KYNU: variants seen among roughly 807,000 people sequenced by gnomAD.
The protein encoded by KYNU is kynureninase.
A neutral mutation model predicts 59.2 loss-of-function variants in KYNU; 54 were observed. That is an observed-to-expected ratio of 0.91 (90% CI 0.73 to 1.14). The LOEUF (loss-of-function observed/expected upper bound fraction) is 1.14, where lower values mean the gene tolerates loss of function less well. KYNU is among the 50% of genes most tolerant of loss of function. The probability of loss-of-function intolerance (pLI) is 0.00; values close to 1 mark genes in which losing one functional copy is unlikely to be tolerated. For synonymous variants in KYNU, 177 were observed against 192.0 expected, an observed-to-expected ratio of 0.92 and a Z score of 0.65; for missense variants, 567 against 554.4, an observed-to-expected ratio of 1.02 and a Z score of -0.23.
chr2:142,898,119 A>G (rs1053988801), intron 2 of KYNU, among the ~76,000 whole-genome samples: 1 of 152,152 alleles, frequency 6.6e-6, no homozygotes, highest in Non-Finnish European at 1.5e-5. Flanking sequence ...GGCTCAAGTG[A>G]TCTGCCCACC....
chr2:142,989,424 T>A lies in KYNU; in HGVS notation c.902+3403T>A. The stretch of plus-strand genomic sequence containing the variant: ...ACCATATGGAGAACATCAAATACAG[T>A]GGAACAAATGTAACTGCTATTGATG... On this transcript the variant is annotated intron_variant, in intron 10 of 13. Transcript: ENST00000264170. 9 of 985,572 alleles carry A rather than the reference T, an allele frequency of 9.1e-6. No individual in the cohort carries two copies. The South Asian group carries it at 4.2e-4, about 46-fold the overall frequency. 61.1% of individuals were successfully genotyped at this position (985,572 alleles called of 1,614,324 possible). A position where few individuals can be genotyped will look rare whatever the true frequency, so the allele number is the denominator to read the frequency against.
At chr2:142,881,826 A>C in intron 1 of KYNU, among the ~76,000 whole-genome samples, 1 of 152,004 alleles carries the variant, frequency 6.6e-6, no homozygotes, top group East Asian at 1.9e-4. Context: ...CTGCAACCTC[A>C]GACTGCTGGT....
In KYNU at chr2:143,040,620, A is replaced by G. The variant is rs9013; in HGVS notation, c.1234A>G (p.Lys412Glu). ...QLTITFSVPN[K>E]DVFQELEKRG... ...AACAATAACATTTTCTGTTCCAAAC[A>G]AAGATGTTTTCCAAGAACTAGAAAA... Residue 412 changes from lysine to glutamate, a missense_variant, in exon 13 of 14, where the codon AAA becomes GAA. Physicochemically the swap from Lys to Glu is moderately conservative, Grantham distance 56. Coordinates refer to ENST00000264170, the MANE Select transcript of KYNU (RefSeq NM_003937.3). 274,142 of 1,606,390 alleles carry G rather than the reference A, an allele frequency of 0.17. 24,512 individuals carry two copies. Among genetic ancestry groups the G allele is most frequent in the East Asian group, 0.29 (12,877 of 44,742 alleles).
chr2:142,974,794 G>C (rs536971384), intron 8 of KYNU, among the ~76,000 whole-genome samples: 10 of 152,180 alleles, frequency 6.6e-5, no homozygotes, highest in African/African-American at 1.9e-4. Flanking sequence ...CTTCACCATC[G>C]CTGTTCAGGA....
At position 143,049,774 on chromosome 2, in the gene KYNU, AGTT is replaced by A. The variant is rs1229183192; in HGVS notation, c.*7606_*7608del. On this transcript the variant is annotated 3_prime_UTR_variant, in exon 14 of 14. Coordinates refer to ENST00000264170, the MANE Select transcript of KYNU (RefSeq NM_003937.3). ...CATATCTAATATATAATGAATGTAC[AGTT>A]GTTTCTGTTGGAGTTCACATATGAT... The A allele has an allele frequency of 2.9e-4, 44 of 152,112 alleles. No individual in the cohort carries two copies. 9.4% of individuals were successfully genotyped at this position (152,112 alleles called of 1,614,324 possible). A position where few individuals can be genotyped will look rare whatever the true frequency, so the allele number is the denominator to read the frequency against.
At chr2:142,914,201 A>G (rs1558918294) in intron 2 of KYNU, among the ~76,000 whole-genome samples, 1 of 152,142 alleles carries the variant, frequency 6.6e-6, no homozygotes, top group Non-Finnish European at 1.5e-5. Context: ...AGATGTTTGG[A>G]TCCCCTGGGA....
chr2:142,894,303 G>A (rs1261575005), intron 2 of KYNU, among the ~76,000 whole-genome samples: 1 of 152,114 alleles, frequency 6.6e-6, no homozygotes, highest in African/African-American at 2.4e-5. Context: ...CTTGTTGGGA[G>A]CATAGCCTTG....
chr2:142,985,854 T>A (rs1354372230), intron 9 of KYNU, 94 bp from the exon 10 acceptor site: 1 of 800,020 alleles, frequency 1.2e-6, no homozygotes, highest in Admixed American at 2.0e-5. Flanking sequence ...TGATCAAATG[T>A]TGTGGTTTCA....
chr2:142,901,902 G>A (rs1048981570), intron 2 of KYNU, among the ~76,000 whole-genome samples: 6 of 152,156 alleles, frequency 3.9e-5, no homozygotes, highest in South Asian at 2.1e-4. Flanking sequence ...AAGGTCCCTC[G>A]AGTGGTATAG....
intron 10 of KYNU, among the ~76,000 whole-genome samples, chr2:143,013,294 T>TTC (rs773447110): frequency 4.5e-5 from 6 of 133,250 alleles, no homozygotes; most frequent in African/African-American, 1.7e-4. Context: ...CTCTGTCTCT[T>TTC]TCTCTGTGTG....
At chr2:142,905,160 A>G (rs971345477) in intron 2 of KYNU, among the ~76,000 whole-genome samples, 1 of 152,192 alleles carries the variant, frequency 6.6e-6, no homozygotes, top group Non-Finnish European at 1.5e-5. Context: ...AAATATTGAT[A>G]TTAAGCTTTT....
At chr2:142,935,643 T>C (rs1412543707) in intron 4 of KYNU, among the ~76,000 whole-genome samples, 1 of 152,088 alleles carries the variant, frequency 6.6e-6, no homozygotes, top group African/African-American at 2.4e-5. Context: ...TTTTGTTAAT[T>C]TGAGACAGAT....
At chr2:142,946,973 T>G in intron 4 of KYNU, 2 of 1,423,500 alleles carry the variant, frequency 1.4e-6, no homozygotes, top group Non-Finnish European at 1.9e-6. Context: ...ACTTTTTGTA[T>G]TTCAAATAGC....
chr2:142,993,432 C>G (rs2105175202), intron 10 of KYNU, among the ~76,000 whole-genome samples: 1 of 152,084 alleles, frequency 6.6e-6, no homozygotes, highest in African/African-American at 2.4e-5. Flanking sequence ...TGGGAACACA[C>G]TCTTGAAGTG....
chr2:143,008,674 C>T (rs1388399559), intron 10 of KYNU, among the ~76,000 whole-genome samples: 1 of 26,540 alleles, frequency 3.8e-5, no homozygotes, highest in Non-Finnish European at 6.1e-5. Flanking sequence ...CTCTCCTCAG[C>T]AAATGTAAAA....
At chr2:143,014,499 A>G (rs1686198805) in intron 10 of KYNU, among the ~76,000 whole-genome samples, 1 of 152,346 alleles carries the variant, frequency 6.6e-6, no homozygotes, top group Middle Eastern at 3.4e-3. Flanking sequence ...TTTGAGATCA[A>G]ACATGTCTAC....
intron 10 of KYNU, among the ~76,000 whole-genome samples, chr2:143,017,434 C>T (rs138895295): frequency 2.8e-4 from 19 of 68,444 alleles, no homozygotes; most frequent in South Asian, 5.8e-4. Context: ...TCTCTTTTTT[C>T]TTTTTTTTTT....
chr2:142,997,447 C>T (rs1399956416), intron 10 of KYNU, among the ~76,000 whole-genome samples: 3 of 152,094 alleles, frequency 2.0e-5, no homozygotes, highest in Non-Finnish European at 4.4e-5. Flanking sequence ...AATGCTATGA[C>T]AATTTGTCTG....
chr2:142,988,987 T>A, intron 10 of KYNU: 1 of 1,041,500 alleles, frequency 9.6e-7, no homozygotes, highest in Non-Finnish European at 1.5e-6. Context: ...CTTAGTGTGT[T>A]TTACTTTTTT....
Sources: allele counts gnomAD v4.1 joint callset (sites outside exome capture counted in the v4.1 genomes callset), GRCh38; gene constraint gnomAD v4.1.1; transcripts MANE v1.5; gene names NCBI Gene and HGNC (gene_info 2026-07-23, HGNC 2026-07-21).